ATP1B1: variants seen among roughly 807,000 people sequenced by gnomAD.
ATP1B1 encodes sodium/potassium-transporting ATPase subunit beta-1.
Under a neutral mutation model 39.6 loss-of-function variants are expected in ATP1B1, and 3 were observed. The ratio of observed to expected loss-of-function variants is 0.08; its 90% CI spans 0.03 to 0.20. The LOEUF is 0.20. ATP1B1 is among the 10% of genes least tolerant of loss of function. ATP1B1 has a pLI of 1.00. For missense variants in ATP1B1, 216 were observed against 371.1 expected, an observed-to-expected ratio of 0.58 and a Z score of 3.43; for synonymous variants, 139 against 135.0, an observed-to-expected ratio of 1.03 and a Z score of -0.20.
chr1:169,121,504 A>G (rs1189752674), intron 2 of ATP1B1, among the ~76,000 whole-genome samples: 1 of 152,026 alleles, frequency 6.6e-6, no homozygotes. Context: ...TCAGCATAAT[A>G]CCTCCTCCTG....
At chr1:169,109,326 TC>T (rs1657677807) in intron 1 of ATP1B1, among the ~76,000 whole-genome samples, 1 of 152,112 alleles carries the variant, frequency 6.6e-6, no homozygotes, top group Non-Finnish European at 1.5e-5. Flanking sequence ...GCCTCTCAGC[TC>T]CCCTCACAGT....
intron 2 of ATP1B1, among the ~76,000 whole-genome samples, chr1:169,117,020 C>G (rs3820048): frequency 0.31 from 47,852 of 152,144 alleles, 8,944 homozygotes; most frequent in Non-Finnish European, 0.43. Context: ...ATTACTATCT[C>G]TCACTCACAC....
At chr1:169,130,779 C>CAAAAAA (rs57542049) in intron 5 of ATP1B1, among the ~76,000 whole-genome samples, 5 of 73,992 alleles carry the variant, frequency 6.8e-5, no homozygotes, top group African/African-American at 2.8e-4. Context: ...AAGACTATCT[C>CAAAAAA]AAAAAAAAAA....
chr1:169,132,524 A>AAGTC lies in ATP1B1; in HGVS notation c.*971_*974dup, dbSNP rs1658260235. The AAGTC allele has an allele frequency of 2.3e-6, 1 of 435,186 alleles. No individual in the cohort carries two copies. Among genetic ancestry groups the AAGTC allele is most frequent in the Non-Finnish European group, 4.0e-6 (1 of 248,114 alleles). 27.0% of individuals were successfully genotyped at this position (435,186 alleles called of 1,614,324 possible). A position where few individuals can be genotyped will look rare whatever the true frequency, so the allele number is the denominator to read the frequency against. ...AAAGTGTAATGTATGAAATAAACCA[A>AAGTC]AGTCACTTGTTTGAAAATAAATCTT... On this transcript the variant is annotated 3_prime_UTR_variant, in exon 6 of 6. Transcript: ENST00000367815.
chr1:169,126,675 C>T (rs1199607633), intron 3 of ATP1B1, among the ~76,000 whole-genome samples: 2 of 152,126 alleles, frequency 1.3e-5, no homozygotes, highest in East Asian at 3.9e-4. Flanking sequence ...CATGCTGCCG[C>T]ACTCCAACCT....
intron 4 of ATP1B1, 60 bp downstream of exon 4, chr1:169,127,468 A>G (rs1658112644): frequency 6.6e-7 from 1 of 1,514,516 alleles, no homozygotes; most frequent in Admixed American, 2.0e-5. Context: ...TACTTAATTG[A>G]TCTGAGAAGA....
At chr1:169,119,921 C>T (rs992827936) in intron 2 of ATP1B1, among the ~76,000 whole-genome samples, 4 of 151,910 alleles carry the variant, frequency 2.6e-5, no homozygotes, top group Non-Finnish European at 4.4e-5. Context: ...TTTGGACATC[C>T]TTTCAAAGGT....
intron 1 of ATP1B1, chr1:169,110,755 T>G: frequency 9.0e-7 from 1 of 1,109,594 alleles, no homozygotes; most frequent in Middle Eastern, 2.3e-4. Context: ...TGTCTTGTCC[T>G]CCGAGGGGAA....
intron 2 of ATP1B1, among the ~76,000 whole-genome samples, chr1:169,118,407 G>T (rs553197276): frequency 1.6e-4 from 25 of 152,346 alleles, no homozygotes; most frequent in African/African-American, 6.0e-4. Flanking sequence ...CAGGCAGGGA[G>T]ATTTATTCCT....
chr1:169,121,163 T>C (rs1194695808), intron 2 of ATP1B1, among the ~76,000 whole-genome samples: 1 of 152,078 alleles, frequency 6.6e-6, no homozygotes, highest in African/African-American at 2.4e-5. Context: ...GCCAGGCTGG[T>C]CTCGAACTCC....
chr1:169,124,245 C>T (rs954801764), intron 2 of ATP1B1, among the ~76,000 whole-genome samples: 4 of 152,150 alleles, frequency 2.6e-5, no homozygotes, highest in African/African-American at 7.2e-5. Context: ...CTGACCGGCA[C>T]TGACATGCTG....
At position 169,117,043 on chromosome 1, in the gene ATP1B1, A is replaced by G. The variant is rs191603049; in HGVS notation, c.226+5545A>G. Among the ~76,000 whole-genome samples the G allele has an allele frequency of 1.6e-3, 238 of 152,276 alleles. 1 individual carries two copies. Among genetic ancestry groups the G allele is most frequent in the African/African-American group, 5.5e-3 (230 of 41,512 alleles). On this transcript the variant is annotated intron_variant, in intron 2 of 5. Coordinates refer to ENST00000367815, the MANE Select transcript of ATP1B1 (RefSeq NM_001677.4). ...CTCTCACTCACACTTCAAAGGAGAAATAAGGGGAAATTAGAAACATTTGGC... is the reference window on the plus strand; with the variant it reads ...CTCTCACTCACACTTCAAAGGAGAAGTAAGGGGAAATTAGAAACATTTGGC...
intron 1 of ATP1B1, chr1:169,107,914 C>T (rs940033671): frequency 1.4e-5 from 2 of 144,556 alleles, no homozygotes; most frequent in Non-Finnish European, 3.2e-5. Context: ...ATCATCATGA[C>T]CATCACCACC....
intron 2 of ATP1B1, among the ~76,000 whole-genome samples, chr1:169,118,389 C>T (rs1657900856): frequency 6.6e-6 from 1 of 152,108 alleles, no homozygotes; most frequent in African/African-American, 2.4e-5. Flanking sequence ...TGAATGTGAC[C>T]CTGCCTGCAG....
At position 169,132,019 on chromosome 1, in the gene ATP1B1, A is replaced by ATT. The variant is rs34447553; in HGVS notation, c.*485_*486dup. 13,996 of 189,786 alleles carry ATT rather than the reference A, an allele frequency of 0.074. 550 individuals are homozygous for ATT. The highest frequency in any genetic ancestry group is 0.17 in the African/African-American group (5,345 of 31,214). The allele number at this position is 189,786 out of a possible 1,614,324, so 11.8% of individuals were successfully genotyped here. On this transcript the variant is annotated 3_prime_UTR_variant, in exon 6 of 6. Coordinates refer to ENST00000367815, the MANE Select transcript of ATP1B1 (RefSeq NM_001677.4). ...CAACGGGAATAAAACTGGCATGGTAATTTTTTTTTTTTTTTTTTTTTTGTT... is the reference window on the plus strand; with the variant it reads ...CAACGGGAATAAAACTGGCATGGTAATTTTTTTTTTTTTTTTTTTTTTTTGTT...
At chr1:169,114,951 G>A (rs903420450) in intron 2 of ATP1B1, among the ~76,000 whole-genome samples, 8 of 151,966 alleles carry the variant, frequency 5.3e-5, no homozygotes, top group African/African-American at 1.7e-4. Context: ...CAGCACTTCC[G>A]AGGCAGGCGG....
At chr1:169,127,447 T>C in intron 4 of ATP1B1, 39 bp downstream of exon 4, 1 of 1,567,420 alleles carries the variant, frequency 6.4e-7, no homozygotes, top group South Asian at 1.2e-5. Context: ...AGATGAGTCA[T>C]TTACACTAAG....
intron 4 of ATP1B1, among the ~76,000 whole-genome samples, chr1:169,127,862 A>C (rs1012778848): frequency 6.6e-6 from 1 of 152,164 alleles, no homozygotes; most frequent in Non-Finnish European, 1.5e-5. Context: ...GGTCCTCTGG[A>C]AGCCACAGGA....
At chr1:169,118,693 ATG>A (rs1657909230) in intron 2 of ATP1B1, among the ~76,000 whole-genome samples, 1 of 152,230 alleles carries the variant, frequency 6.6e-6, no homozygotes, top group South Asian at 2.1e-4. Flanking sequence ...ACGTGTGAGT[ATG>A]TATGAATTCA....
Sources: gnomAD v4.1 joint callset for allele counts (sites outside exome capture counted in the v4.1 genomes callset) on GRCh38, gnomAD v4.1.1 for gene constraint, MANE v1.5 for transcripts, NCBI Gene and HGNC (gene_info 2026-07-23, HGNC 2026-07-21) for gene names.